DMD: variants seen among roughly 807,000 people sequenced by gnomAD.
The protein encoded by DMD is mutant dystrophin.
In DMD, 63 loss-of-function variants were observed where a neutral mutation model predicts 330.1. The observed-to-expected ratio is 0.19, with a 90% CI of 0.16 to 0.24. DMD has a LOEUF of 0.24. Among genes scored for constraint, DMD ranks in the 10% least tolerant of loss-of-function variants. The pLI, the probability that DMD is intolerant of heterozygous loss-of-function variation, is 1.00. For missense variants in DMD, 3,344 were observed against 2,684.1 expected (o/e 1.25, Z -5.43); for synonymous variants, 1,223 against 959.8 (o/e 1.27, Z -5.07).
At chrX:32,944,091 A>T (rs1003912133) in intron 2 of DMD, among the ~76,000 whole-genome samples, 20 of 111,717 alleles carry the variant, frequency 1.8e-4, no homozygotes, top group African/African-American at 5.2e-4. Context: ...TTAGCACACA[A>T]TTATGGGTGA....
chrX:31,543,274 G>C (rs1375728169), intron 55 of DMD, among the ~76,000 whole-genome samples: 1 of 111,522 alleles, frequency 9.0e-6, no homozygotes, highest in Non-Finnish European at 1.9e-5. Flanking sequence ...GGCTTCAAGT[G>C]ATTCTCCTGC....
chrX:32,831,854 T>C (rs1249668427), intron 4 of DMD, among the ~76,000 whole-genome samples: 1 of 111,093 alleles, frequency 9.0e-6, no homozygotes, highest in Admixed American at 9.7e-5. Context: ...GGTTTTAACT[T>C]GGAAGTTGCA....
At chrX:32,929,557 ACTTTT>A (rs1363834800) in intron 2 of DMD, among the ~76,000 whole-genome samples, 5 of 111,134 alleles carry the variant, frequency 4.5e-5, no homozygotes, top group South Asian at 3.8e-4. Context: ...AAGCACAGAT[ACTTTT>A]CTTTTATATT....
At chrX:33,022,046 G>T (rs188561285) in intron 1 of DMD, among the ~76,000 whole-genome samples, 1 of 111,344 alleles carries the variant, frequency 9.0e-6, no homozygotes, top group Non-Finnish European at 1.9e-5. Context: ...ATTGGTCAAC[G>T]CATCATTTAT....
chrX:32,876,131 C>A (rs1248833954), intron 2 of DMD, among the ~76,000 whole-genome samples: 1 of 111,555 alleles, frequency 9.0e-6, no homozygotes, highest in Non-Finnish European at 1.9e-5. Context: ...ATCACTTCCC[C>A]ATCATAGTTT....
intron 2 of DMD, among the ~76,000 whole-genome samples, chrX:32,854,782 C>T (rs1194746349): frequency 9.0e-6 from 1 of 111,142 alleles, no homozygotes; most frequent in Non-Finnish European, 1.9e-5. Flanking sequence ...ACACCTAATA[C>T]TCAAACTATT....
intron 57 of DMD, among the ~76,000 whole-genome samples, chrX:31,491,125 T>A (rs761764715): frequency 8.0e-5 from 9 of 112,405 alleles, no homozygotes; most frequent in African/African-American, 2.9e-4. Context: ...GAGATTTTTT[T>A]AATTGAAAGA....
At chrX:32,602,112 T>C (rs1053796802) in intron 12 of DMD, among the ~76,000 whole-genome samples, 7 of 111,901 alleles carry the variant, frequency 6.3e-5, no homozygotes, top group African/African-American at 2.3e-4. Context: ...ATACAGTAAG[T>C]GTTAAATCCT....
intron 67 of DMD, among the ~76,000 whole-genome samples, chrX:31,202,692 G>A (rs1171016546): frequency 9.0e-6 from 1 of 111,658 alleles, no homozygotes; most frequent in Non-Finnish European, 1.9e-5. Context: ...GTAAATCTCA[G>A]CCATTGTTAA....
chrX:31,586,553 G>C (rs1255160964), intron 55 of DMD, among the ~76,000 whole-genome samples: 1 of 112,511 alleles, frequency 8.9e-6, no homozygotes, highest in African/African-American at 3.2e-5. Context: ...ACATGAAAAT[G>C]TTGCCCTTTA....
intron 7 of DMD, among the ~76,000 whole-genome samples, chrX:32,780,858 G>A (rs1455765707): frequency 1.8e-5 from 2 of 109,398 alleles, no homozygotes; most frequent in Non-Finnish European, 3.8e-5. Flanking sequence ...TTCAGAGGCC[G>A]AGGCGGGCAG....
intron 9 of DMD, among the ~76,000 whole-genome samples, chrX:32,690,595 A>G (rs2063206576): frequency 9.0e-6 from 1 of 111,470 alleles, no homozygotes; most frequent in Non-Finnish European, 1.9e-5. Flanking sequence ...TTCAAAATAT[A>G]TTACTAAACT....
intron 25 of DMD, among the ~76,000 whole-genome samples, chrX:32,456,712 T>G (rs989598579): frequency 4.6e-5 from 5 of 107,789 alleles, no homozygotes; most frequent in African/African-American, 1.7e-4. Context: ...GGTGATAGAT[T>G]TGATGTTCGG....
intron 27 of DMD, among the ~76,000 whole-genome samples, chrX:32,443,356 T>C (rs1386423108): frequency 9.0e-6 from 1 of 110,943 alleles, no homozygotes; most frequent in Non-Finnish European, 1.9e-5. Context: ...TGATATCTTA[T>C]GTACAGTTTA....
chrX:32,848,384 A>G (rs778000013), intron 3 of DMD, among the ~76,000 whole-genome samples: 8 of 111,952 alleles, frequency 7.1e-5, no homozygotes, highest in Admixed American at 1.9e-4. Flanking sequence ...TTACACACAA[A>G]TCTATCTCTA....
chrX:33,215,864 T>G (rs2052043986), upstream of DMD, among the ~76,000 whole-genome samples: 1 of 111,814 alleles, frequency 8.9e-6, no homozygotes, highest in African/African-American at 3.2e-5. Context: ...GGTTCACTAT[T>G]CTGTTCCATT....
chrX:33,097,528 A>G (rs1176464441), intron 1 of DMD, among the ~76,000 whole-genome samples: 5 of 110,576 alleles, frequency 4.5e-5, no homozygotes, highest in Middle Eastern at 4.6e-3. Flanking sequence ...ATTAGTTATT[A>G]ATGATTTAAA....
intron 2 of DMD, chrX:32,960,285 A>G (rs958360624): frequency 6.3e-5 from 7 of 110,710 alleles, no homozygotes; most frequent in African/African-American, 2.3e-4. Context: ...CCCTTGACCA[A>G]ACTTTAGCTA....
chrX:33,117,530 G>A (rs2095394290), intron 1 of DMD, among the ~76,000 whole-genome samples: 2 of 111,285 alleles, frequency 1.8e-5, no homozygotes, highest in South Asian at 7.5e-4. Context: ...GGGGGAAAAG[G>A]TACCTCATAT....
Sources: gnomAD v4.1 joint callset for allele counts (sites outside exome capture counted in the v4.1 genomes callset) on GRCh38, gnomAD v4.1.1 for gene constraint, MANE v1.5 for transcripts, NCBI Gene and HGNC (gene_info 2026-07-23, HGNC 2026-07-21) for gene names.